Variants in ABCC9 observed in about 807,000 individuals in gnomAD.
ABCC9 encodes ATP-binding cassette sub-family C member 9.
A neutral mutation model predicts 188.3 loss-of-function variants in ABCC9; 95 were observed. The observed-to-expected ratio is 0.50, with a 90% CI of 0.43 to 0.60. The LOEUF (loss-of-function observed/expected upper bound fraction) is 0.60. Among genes scored for constraint, ABCC9 ranks in the 20% least tolerant of loss-of-function variants. ABCC9 has a pLI of 0.00. For synonymous variants in ABCC9, 659 were observed against 652.7 expected (o/e 1.01, Z -0.15); for missense variants, 1,102 against 1,876.3 (o/e 0.59, Z 7.62).
intron 12 of ABCC9, among the ~76,000 whole-genome samples, chr12:21,901,362 A>G (rs897404686): frequency 3.3e-5 from 5 of 152,214 alleles, no homozygotes; most frequent in African/African-American, 1.2e-4. Context: ...GCCAAATTTT[A>G]AAGCCCATCG....
At chr12:21,870,195 G>A (rs1316000026) in intron 18 of ABCC9, among the ~76,000 whole-genome samples, 4 of 151,822 alleles carry the variant, frequency 2.6e-5, no homozygotes, top group African/African-American at 7.3e-5. Flanking sequence ...GAATATTGAA[G>A]ACATTAAGAA....
chr12:21,859,414 C>T (rs1565748391), intron 22 of ABCC9, among the ~76,000 whole-genome samples, 172 bp downstream of exon 22: 1 of 152,142 alleles, frequency 6.6e-6, no homozygotes, highest in Non-Finnish European at 1.5e-5. Flanking sequence ...AGATACGTTG[C>T]TCTTCTACTG....
chr12:21,872,574 G>A (rs1946134457), intron 18 of ABCC9, 51 bp downstream of exon 18: 4 of 1,346,974 alleles, frequency 3.0e-6, no homozygotes, highest in Non-Finnish European at 4.3e-6. Context: ...TTCCTTGGAA[G>A]ATTATCAGAT....
intron 4 of ABCC9, among the ~76,000 whole-genome samples, chr12:21,931,294 A>G (rs1949276648): frequency 6.6e-6 from 1 of 151,982 alleles, no homozygotes; most frequent in African/African-American, 2.4e-5. Context: ...CTGCCACCAT[A>G]TGAAGAAGGA....
At chr12:21,838,677 A>C (rs1272184708) in intron 29 of ABCC9, among the ~76,000 whole-genome samples, 2 of 152,126 alleles carry the variant, frequency 1.3e-5, no homozygotes, top group Non-Finnish European at 2.9e-5. Flanking sequence ...ATGGCCTTGT[A>C]AGGGTGACAG....
intron 17 of ABCC9, 118 bp from the exon 18 acceptor site, chr12:21,872,848 G>A: frequency 1.2e-6 from 1 of 813,610 alleles, no homozygotes; most frequent in Admixed American, 1.8e-5. Flanking sequence ...TTGATCTCCA[G>A]CAGTAAGGTA....
intron 36 of ABCC9, among the ~76,000 whole-genome samples, chr12:21,811,226 C>T (rs912022298): frequency 2.6e-5 from 4 of 152,100 alleles, no homozygotes; most frequent in Non-Finnish European, 5.9e-5. Context: ...CCTTGCTTCC[C>T]CTTTGCCTTC....
chr12:21,821,254 C>G (rs7966764), intron 31 of ABCC9, among the ~76,000 whole-genome samples: 1,847 of 152,184 alleles, frequency 0.012, 45 homozygotes, highest in African/African-American at 0.042. Context: ...AGTCCAACAC[C>G]GAGTTTTATA....
At chr12:21,925,851 A>G in intron 5 of ABCC9, 91 bp downstream of exon 5, 1 of 1,367,968 alleles carries the variant, frequency 7.3e-7, no homozygotes, top group South Asian at 1.2e-5. Flanking sequence ...ACACTCTGAT[A>G]CTATTTACCC....
chr12:21,906,114 A>T lies in ABCC9; in HGVS notation c.1618+12T>A. The stretch of plus-strand genomic sequence containing the variant: ...CTTAAAGTCGCCTGTTCTTAGAGCA[A>T]CAGCAACTTACTGGAGAGTGATGTA... On this transcript the variant is annotated intron_variant, in intron 12 of 39. Transcript: ENST00000261200. 1 of 1,612,582 alleles carries T rather than the reference A, an allele frequency of 6.2e-7. No homozygotes were observed. The highest frequency in any genetic ancestry group is 1.1e-5 in the South Asian group (1 of 91,032).
intron 4 of ABCC9, among the ~76,000 whole-genome samples, chr12:21,928,461 A>AAAGGAAGGAAGGAAGGAAGGAAGG (rs200544460): frequency 6.9e-6 from 1 of 144,468 alleles, no homozygotes; most frequent in Non-Finnish European, 1.5e-5. Context: ...AGGGAGGAAG[A>AAAGGAAGGAAGGAAGGAAGGAAGG]AAGGAAGGAA....
intron 29 of ABCC9, among the ~76,000 whole-genome samples, chr12:21,840,795 G>T (rs1163210051): frequency 6.6e-6 from 1 of 152,170 alleles, no homozygotes; most frequent in African/African-American, 2.4e-5. Context: ...GTGGATCCCT[G>T]ACATTTAAAG....
chr12:21,847,071 T>A (rs1434873478), intron 25 of ABCC9, among the ~76,000 whole-genome samples: 2 of 152,136 alleles, frequency 1.3e-5, no homozygotes, highest in Non-Finnish European at 2.9e-5. Flanking sequence ...AGCAACAAAC[T>A]AATAAGTAAT....
Position 21,885,964 on chromosome 12 carries a change from G to T in ABCC9, c.1911+1862C>A, listed in dbSNP as rs192851922. 1.8e-3 allele frequency among the ~76,000 whole-genome samples: 275 copies of T among 151,952 alleles called. 2 individuals are homozygous for T. Among genetic ancestry groups the T allele is most frequent in the African/African-American group, 6.2e-3 (259 of 41,472 alleles). On this transcript the variant is annotated intron_variant, in intron 15 of 39. Coordinates refer to ENST00000261200, the MANE Select transcript of ABCC9 (RefSeq NM_020297.4). ...TTCCAGTCAGGAGACTGATTGTGTT[G>T]GTTCACATAAATGGTAAATATATTC...
At chr12:21,819,748 AT>A (rs1240074814) in intron 31 of ABCC9, among the ~76,000 whole-genome samples, 1 of 152,170 alleles carries the variant, frequency 6.6e-6, no homozygotes, top group African/African-American at 2.4e-5. Context: ...ATGTGTATGC[AT>A]CATAAAACAT....
chr12:21,805,050 C>A (rs747382696), intron 39 of ABCC9: 3 of 1,404,148 alleles, frequency 2.1e-6, no homozygotes, highest in Non-Finnish European at 3.0e-6. Context: ...TAATAACACC[C>A]TGCAGTTAGT....
In ABCC9 at chr12:21,913,086, A is replaced by G. The variant is rs1407515504; in HGVS notation, c.817-20T>C. ...TTTTTTCTGAAGAAAAAAAAAAGAAAAAAAAAACAGATGTAACAAAATAAA... is the reference window on the plus strand; with the variant it reads ...TTTTTTCTGAAGAAAAAAAAAAGAAGAAAAAAACAGATGTAACAAAATAAA... On this transcript the variant is annotated intron_variant, in intron 7 of 39. Transcript: ENST00000261200. 3.8e-6 allele frequency: 6 copies of G among 1,591,472 alleles called. No homozygotes were observed. The highest frequency in any genetic ancestry group is 5.1e-6 in the Non-Finnish European group (6 of 1,171,746).
chr12:21,815,102 G>A (rs1163539704), intron 34 of ABCC9, among the ~76,000 whole-genome samples: 2 of 152,054 alleles, frequency 1.3e-5, no homozygotes, highest in Admixed American at 1.3e-4. Context: ...AGGATGGCTG[G>A]AGCCCAGGAG....
At chr12:21,848,122 T>C (rs1445873300) in intron 25 of ABCC9, 28 bp downstream of exon 25, 1 of 1,591,380 alleles carries the variant, frequency 6.3e-7, no homozygotes, top group Admixed American at 1.7e-5. Flanking sequence ...CCCATTAGAA[T>C]GTTCCAGATA....
Sources: gnomAD v4.1 joint callset for allele counts (sites outside exome capture counted in the v4.1 genomes callset) on GRCh38, gnomAD v4.1.1 for gene constraint, MANE v1.5 for transcripts, NCBI Gene and HGNC (gene_info 2026-07-23, HGNC 2026-07-21) for gene names.